TDRP: variants seen among roughly 807,000 people sequenced by gnomAD.
TDRP encodes the protein testis development-related protein.
TDRP carries 12 observed loss-of-function variants against 10.5 expected under a neutral mutation model. The observed-to-expected ratio is 1.15, with a 90% CI of 0.73 to 1.86. TDRP has a LOEUF of 1.86. TDRP is among the 40% of genes most tolerant of loss of function. TDRP has a pLI of 0.00. For missense variants in TDRP, 353 were observed against 229.2 expected (o/e 1.54, Z -3.49); for synonymous variants, 139 against 95.4 (o/e 1.46, Z -2.67).
intron 1 of TDRP, among the ~76,000 whole-genome samples, chr8:499,633 C>T (rs1014833091): frequency 9.9e-5 from 15 of 152,198 alleles, no homozygotes; most frequent in African/African-American, 3.6e-4. Context: ...GAAGTGTGAG[C>T]GTGAGGAGTG....
chr8:518,873 C>G (rs1300038763), intron 1 of TDRP, among the ~76,000 whole-genome samples: 1 of 151,952 alleles, frequency 6.6e-6, no homozygotes, highest in Non-Finnish European at 1.5e-5. Flanking sequence ...ATAAAAAACT[C>G]AATGTTTAGT....
chr8:526,113 T>A (rs1451760178), intron 1 of TDRP, among the ~76,000 whole-genome samples: 1 of 152,240 alleles, frequency 6.6e-6, no homozygotes, highest in Non-Finnish European at 1.5e-5. Flanking sequence ...GTGAGTAGCC[T>A]TTAGTGAGCC....
At chr8:517,138 A>G (rs1160310990) in intron 1 of TDRP, among the ~76,000 whole-genome samples, 4 of 152,206 alleles carry the variant, frequency 2.6e-5, no homozygotes, top group Admixed American at 1.3e-4. Flanking sequence ...GAGCATTAAC[A>G]TTAAAACAGA....
intron 1 of TDRP, among the ~76,000 whole-genome samples, chr8:522,817 C>A (rs772351861): frequency 6.6e-6 from 1 of 152,088 alleles, no homozygotes; most frequent in South Asian, 2.1e-4. Context: ...GACTTTTATC[C>A]GATATAAGTA....
chr8:506,813 T>G (rs1801477816), intron 1 of TDRP, among the ~76,000 whole-genome samples: 1 of 152,060 alleles, frequency 6.6e-6, no homozygotes, highest in Non-Finnish European at 1.5e-5. Flanking sequence ...GAAGACAAAA[T>G]CTCTTTCCAA....
intron 1 of TDRP, among the ~76,000 whole-genome samples, chr8:531,760 C>T (rs1462908534): frequency 6.6e-6 from 1 of 152,322 alleles, no homozygotes; most frequent in South Asian, 2.1e-4. Flanking sequence ...TATTAATCAT[C>T]TTCAGTCCAC....
intron 1 of TDRP, among the ~76,000 whole-genome samples, chr8:517,316 G>T (rs182351626): frequency 2.0e-5 from 3 of 152,254 alleles, no homozygotes; most frequent in Admixed American, 6.5e-5. Context: ...TCTCTTGTGG[G>T]GAGAATTTAC....
intron 1 of TDRP, 99 bp downstream of exon 1, chr8:544,551 C>A: frequency 1.2e-6 from 1 of 831,398 alleles, no homozygotes; most frequent in Non-Finnish European, 1.6e-6. Context: ...CCAAACTGTG[C>A]CCCCAACTAC....
chr8:498,649 A>C (rs1345108332), intron 1 of TDRP, among the ~76,000 whole-genome samples: 1 of 152,164 alleles, frequency 6.6e-6, no homozygotes, highest in East Asian at 1.9e-4. Context: ...TTGGGAAGGC[A>C]TGACTGGTTT....
intron 1 of TDRP, among the ~76,000 whole-genome samples, chr8:527,842 C>T (rs1802073728): frequency 6.6e-6 from 1 of 152,146 alleles, no homozygotes; most frequent in Non-Finnish European, 1.5e-5. Flanking sequence ...CTCTCCAGGA[C>T]ATTGGACTAA....
intron 1 of TDRP, among the ~76,000 whole-genome samples, chr8:498,216 G>C (rs1306679786): frequency 1.3e-5 from 2 of 152,176 alleles, no homozygotes; most frequent in Non-Finnish European, 2.9e-5. Flanking sequence ...ACCTGAAAAA[G>C]CCACAGGCAC....
In TDRP at chr8:491,993, G is replaced by A. The variant is rs964072756; in HGVS notation, c.*406C>T. 2.1e-5 allele frequency: 24 copies of A among 1,116,920 alleles called. No individual in the cohort carries two copies. The highest frequency in any genetic ancestry group is 2.5e-5 in the Non-Finnish European group (23 of 916,274). 69.2% of individuals were successfully genotyped at this position (1,116,920 alleles called of 1,614,324 possible). On this transcript the variant is annotated 3_prime_UTR_variant, in exon 3 of 3. Coordinates refer to ENST00000324079, the MANE Select transcript of TDRP (RefSeq NM_001384899.1). The stretch of plus-strand genomic sequence containing the variant: ...AATTTTCTAGCAAAAGAAAAGAACT[G>A]CATGACAGCTGCATTTATACGTGCT...
chr8:527,620 A>C (rs1304670460), intron 1 of TDRP, among the ~76,000 whole-genome samples: 1 of 152,150 alleles, frequency 6.6e-6, no homozygotes. Flanking sequence ...CAGTGAAGTC[A>C]TTTTTTACAA....
chr8:521,655 T>G (rs907227255), intron 1 of TDRP, among the ~76,000 whole-genome samples: 5 of 152,234 alleles, frequency 3.3e-5, no homozygotes, highest in Admixed American at 2.6e-4. Flanking sequence ...TGTTTTCAAG[T>G]TGGAAAGTGT....
Position 535,056 on chromosome 8 carries a change from G to C in TDRP, c.108+9594C>G, listed in dbSNP as rs979982963. Among the ~76,000 whole-genome samples, 3 of 152,134 alleles carry C rather than the reference G, an allele frequency of 2.0e-5. No individual in the cohort carries two copies. In the South Asian group the frequency reaches 6.2e-4, roughly 32 times the overall value. On this transcript the variant is annotated intron_variant, in intron 1 of 2. Transcript: ENST00000324079. ...CGTTATCTTTCAAACACTAGAACTA[G>C]AATATCTGCCATTTAGTCTATAACA... is the stretch of plus-strand genomic sequence containing the variant.
intron 1 of TDRP, among the ~76,000 whole-genome samples, chr8:502,473 C>A (rs1216310346): frequency 1.3e-5 from 2 of 152,236 alleles, no homozygotes; most frequent in Non-Finnish European, 2.9e-5. Context: ...ACCAGAGGGG[C>A]TGCTGATCTG....
chr8:499,859 T>C (rs1285281719), intron 1 of TDRP, among the ~76,000 whole-genome samples: 1 of 152,226 alleles, frequency 6.6e-6, no homozygotes, highest in African/African-American at 2.4e-5. Flanking sequence ...GACATGGACA[T>C]TGTCCTGAGG....
At chr8:521,807 G>A (rs1445089637) in intron 1 of TDRP, among the ~76,000 whole-genome samples, 1 of 152,052 alleles carries the variant, frequency 6.6e-6, no homozygotes, top group Non-Finnish European at 1.5e-5. Context: ...TTGAACCAGT[G>A]GATTGCTGTG....
intron 1 of TDRP, among the ~76,000 whole-genome samples, chr8:510,916 A>T (rs530479817): frequency 2.0e-4 from 31 of 152,380 alleles, no homozygotes; most frequent in African/African-American, 7.2e-4. Flanking sequence ...ATAGAAATGT[A>T]ATGTGTATGT....
Sources: gnomAD v4.1 joint callset for allele counts (sites outside exome capture counted in the v4.1 genomes callset) on GRCh38, gnomAD v4.1.1 for gene constraint, MANE v1.5 for transcripts, NCBI Gene and HGNC (gene_info 2026-07-23, HGNC 2026-07-21) for gene names.